Variants in DCDC1 observed in about 807,000 individuals in gnomAD.
DCDC1 encodes doublecortin domain-containing protein 1.
A neutral mutation model predicts 178.3 loss-of-function variants in DCDC1; 200 were observed. The observed-to-expected ratio is 1.12, with a 90% confidence interval of 1.00 to 1.26. The LOEUF is 1.26. Among genes scored for constraint, DCDC1 ranks in the 50% most tolerant of loss-of-function variants. DCDC1 has a pLI of 0.00. For missense variants in DCDC1, 1,983 were observed against 1,749.2 expected (o/e 1.13, Z -2.38); for synonymous variants, 690 against 604.8 (o/e 1.14, Z -2.07).
At chr11:31,208,849 G>A (rs563617120) in intron 9 of DCDC1, among the ~76,000 whole-genome samples, 3 of 152,250 alleles carry the variant, frequency 2.0e-5, no homozygotes, top group African/African-American at 7.2e-5. Context: ...CTCAGAGACT[G>A]CCTTATCAAC....
intron 20 of DCDC1, among the ~76,000 whole-genome samples, chr11:31,044,477 CAAAAAAAAAAAA>C (rs34317259): frequency 3.5e-4 from 34 of 96,918 alleles, no homozygotes; most frequent in Non-Finnish European, 1.7e-4. Context: ...TACTCCATCT[CAAAAAAAAAAAA>C]AAAAAAAAAG....
At chr11:30,981,665 C>T (rs1420687668) in intron 20 of DCDC1, among the ~76,000 whole-genome samples, 1 of 152,108 alleles carries the variant, frequency 6.6e-6, no homozygotes, top group Non-Finnish European at 1.5e-5. Context: ...CTATTGGTTA[C>T]TGTAATATTA....
chr11:30,935,376 C>A (rs1461411907), intron 21 of DCDC1, among the ~76,000 whole-genome samples: 1 of 152,156 alleles, frequency 6.6e-6, no homozygotes, highest in Non-Finnish European at 1.5e-5. Context: ...TAAAACCTGG[C>A]AGGCATCAAA....
rs534541606 is a variant in DCDC1, at chr11:31,085,177, T to A, written c.2237+6216A>T. Among the ~76,000 whole-genome samples the A allele has an allele frequency of 4.0e-3, 595 of 149,892 alleles. 2 individuals carry two copies. The highest frequency in any genetic ancestry group is 6.2e-3 in the African/African-American group (251 of 40,510). ...TAATTGTTTTTAAGGTTTTTTTTTT[T>A]AAAAAAAACTGCTTTATTGAAAAAT... is the stretch of plus-strand genomic sequence containing the variant. On this transcript the variant is annotated intron_variant, in intron 17 of 38. Transcript: ENST00000684477.
At chr11:31,046,441 T>C (rs1293997895) in intron 20 of DCDC1, among the ~76,000 whole-genome samples, 1 of 152,060 alleles carries the variant, frequency 6.6e-6, no homozygotes, top group Non-Finnish European at 1.5e-5. Flanking sequence ...AAATAAACAC[T>C]AAGGTATCTT....
At position 30,881,294 on chromosome 11, in the gene DCDC1, G is replaced by T; in HGVS notation, c.5097C>A (p.Cys1699Ter). The T allele has an allele frequency of 1.2e-6, 2 of 1,613,182 alleles. No individual in the cohort carries two copies. Among genetic ancestry groups the T allele is most frequent in the Non-Finnish European group, 1.7e-6 (2 of 1,179,448 alleles). The stretch of plus-strand genomic sequence containing the variant: ...GGTGGGTCATTTTGAGACGAGAGGA[G>T]CAGTCTTGCAGCAGCTGAGACACAG... ...GKTISELLQDCSSRLKMTHPA... is the reference protein window; with the variant it reads ...GKTISELLQD Residue 1699 changes from cysteine to a stop codon, truncating the protein, a stop_gained, in exon 37 of 39, where the codon TGC becomes TGA. Transcript: ENST00000684477. LOFTEE classifies it high-confidence loss of function.
At chr11:31,033,530 A>C (rs1418709978) in intron 20 of DCDC1, among the ~76,000 whole-genome samples, 1 of 152,160 alleles carries the variant, frequency 6.6e-6, no homozygotes, top group Admixed American at 6.5e-5. Context: ...GTATAAATTC[A>C]TGAATATTTA....
intron 9 of DCDC1, among the ~76,000 whole-genome samples, chr11:31,229,149 T>A (rs139099763): frequency 1.3e-4 from 20 of 152,284 alleles, no homozygotes; most frequent in African/African-American, 4.3e-4. Context: ...CAGGCCCAGA[T>A]GGTTTTACTA....
chr11:31,364,815 C>G (rs998894848), intron 1 of DCDC1, among the ~76,000 whole-genome samples: 1 of 150,934 alleles, frequency 6.6e-6, no homozygotes, highest in African/African-American at 2.4e-5. Context: ...TCAATACTAT[C>G]TAAAGCTTTA....
chr11:31,141,676 C>A (rs954049075), intron 9 of DCDC1, among the ~76,000 whole-genome samples: 2 of 152,122 alleles, frequency 1.3e-5, no homozygotes, highest in Non-Finnish European at 2.9e-5. Flanking sequence ...TATATATTGA[C>A]AAGTTTCCCA....
At position 30,915,680 on chromosome 11, in the gene DCDC1, G is replaced by A; in HGVS notation, c.3484C>T (p.His1162Tyr). The A allele has an allele frequency of 1.2e-6, 2 of 1,613,804 alleles. No individual in the cohort carries two copies. The highest frequency in any genetic ancestry group is 1.7e-6 in the Non-Finnish European group (2 of 1,179,810). ...CSPKHSKLHKHCHQQFEYRDG... is the reference protein window; with the variant it reads ...CSPKHSKLHKYCHQQFEYRDG... ...CTGTATTCGAACTGCTGATGACAATGCTTGTGCAATTTACTATGCTTTGGT... is the reference window on the plus strand; with the variant it reads ...CTGTATTCGAACTGCTGATGACAATACTTGTGCAATTTACTATGCTTTGGT... The change falls in exon 27 of 39, where the codon CAT becomes TAT. Residue 1162 changes from histidine (H) to tyrosine (Y), a missense_variant. Physicochemically the swap from His to Tyr is moderately conservative, Grantham distance 83. Transcript: ENST00000684477.
chr11:30,971,305 T>C (rs1160366440), intron 20 of DCDC1, among the ~76,000 whole-genome samples: 1 of 151,842 alleles, frequency 6.6e-6, no homozygotes, highest in Non-Finnish European at 1.5e-5. Flanking sequence ...ACAATAATTC[T>C]CCAGTAAGAG....
chr11:31,141,624 G>A (rs1021231528), intron 9 of DCDC1, among the ~76,000 whole-genome samples: 2 of 152,192 alleles, frequency 1.3e-5, no homozygotes, highest in Admixed American at 6.5e-5. Flanking sequence ...ATCAATATAG[G>A]TAATACTGTT....
chr11:31,233,541 C>G (rs1976083686), intron 9 of DCDC1, among the ~76,000 whole-genome samples: 1 of 152,120 alleles, frequency 6.6e-6, no homozygotes, highest in South Asian at 2.1e-4. Flanking sequence ...AAATCAGTGA[C>G]TGGTAGAATT....
At chr11:31,212,467 G>C (rs982410942) in intron 9 of DCDC1, among the ~76,000 whole-genome samples, 5 of 151,954 alleles carry the variant, frequency 3.3e-5, no homozygotes, top group African/African-American at 1.2e-4. Flanking sequence ...CACCCCATAA[G>C]GAATGCTTAC....
chr11:31,141,896 C>T (rs1963869359), intron 9 of DCDC1, among the ~76,000 whole-genome samples: 1 of 152,164 alleles, frequency 6.6e-6, no homozygotes, highest in African/African-American at 2.4e-5. Flanking sequence ...AATCATTTGT[C>T]CAGACTGTGG....
chr11:30,986,987 T>C (rs1293316046), intron 20 of DCDC1, among the ~76,000 whole-genome samples: 1 of 152,078 alleles, frequency 6.6e-6, no homozygotes, highest in East Asian at 1.9e-4. Flanking sequence ...AAAAGTAGAA[T>C]GCCATTAGTT....
At chr11:31,010,315 C>A (rs1952096523) in intron 20 of DCDC1, among the ~76,000 whole-genome samples, 1 of 152,200 alleles carries the variant, frequency 6.6e-6, no homozygotes, top group Admixed American at 6.5e-5. Context: ...GGGAAGAATT[C>A]ACTTCCAAGC....
intron 1 of DCDC1, among the ~76,000 whole-genome samples, chr11:31,364,845 A>T (rs181099597): frequency 6.6e-6 from 1 of 152,212 alleles, no homozygotes; most frequent in Non-Finnish European, 1.5e-5. Context: ...GTCAAAAAAA[A>T]AAAAAAGAAG....
Sources: gnomAD v4.1 joint callset for allele counts (sites outside exome capture counted in the v4.1 genomes callset) on GRCh38, gnomAD v4.1.1 for gene constraint, MANE v1.5 for transcripts, NCBI Gene and HGNC (gene_info 2026-07-23, HGNC 2026-07-21) for gene names.